NOS1: variants seen among roughly 807,000 people sequenced by gnomAD.
NOS1 encodes the protein nitric oxide synthase 1.
NOS1 carries 51 observed loss-of-function variants against 164.5 expected under a neutral mutation model. The observed-to-expected ratio is 0.31, with a 90% CI of 0.25 to 0.39. The LOEUF is 0.39. Among genes scored for constraint, NOS1 ranks in the 10% least tolerant of loss-of-function variants. NOS1 has a pLI of 1.00. For synonymous variants in NOS1, 719 were observed against 745.8 expected, an observed-to-expected ratio of 0.96 and a Z score of 0.59; for missense variants, 1,362 against 1,885.6, an observed-to-expected ratio of 0.72 and a Z score of 5.14.
At chr12:117,284,610 C>T (rs1873953864) in intron 7 of NOS1, among the ~76,000 whole-genome samples, 1 of 151,982 alleles carries the variant, frequency 6.6e-6, no homozygotes, top group Non-Finnish European at 1.5e-5. Flanking sequence ...TTTTCTGATT[C>T]CTGGGAATCT....
intron 1 of NOS1, among the ~76,000 whole-genome samples, chr12:117,353,217 CT>C (rs1436000392): frequency 2.6e-5 from 4 of 152,088 alleles, no homozygotes; most frequent in African/African-American, 9.7e-5. Context: ...TGTTATCTAT[CT>C]ATTCATCTAT....
intron 1 of NOS1, among the ~76,000 whole-genome samples, chr12:117,355,202 T>C (rs962195257): frequency 1.3e-5 from 2 of 152,090 alleles, no homozygotes; most frequent in African/African-American, 4.8e-5. Flanking sequence ...TCCCAGGAAA[T>C]CCCAGTCTTA....
intron 3 of NOS1, among the ~76,000 whole-genome samples, chr12:117,305,930 T>C (rs1252128491): frequency 6.6e-6 from 1 of 151,302 alleles, no homozygotes; most frequent in East Asian, 1.9e-4. Flanking sequence ...TAGCTAGGAG[T>C]ACAGGTGTGT....
At chr12:117,239,990 G>A (rs940655595) in intron 20 of NOS1, among the ~76,000 whole-genome samples, 1 of 152,050 alleles carries the variant, frequency 6.6e-6, no homozygotes, top group Non-Finnish European at 1.5e-5. Context: ...CTGATTTTGG[G>A]ACTTTTGGTT....
chr12:117,273,584 C>CA (rs1448065329), intron 9 of NOS1, among the ~76,000 whole-genome samples: 1 of 152,024 alleles, frequency 6.6e-6, no homozygotes, highest in Admixed American at 6.6e-5. Flanking sequence ...AAAGTAATGG[C>CA]AAAAACCACA....
chr12:117,302,142 G>A, intron 3 of NOS1: 1 of 456,480 alleles, frequency 2.2e-6, no homozygotes, highest in Non-Finnish European at 4.4e-6. Context: ...TGGACTTAAA[G>A]TGCTTAGCAC....
rs543977540 is a variant in NOS1, at chr12:117,240,555, C to T, written c.3041+2072G>A. Reference sequence around the variant, plus strand: ...TGACTTTGGCGTCAGATAACCGGGTCGGTGTGACCTTGAGAAAGTCACTTG... The same window carrying T: ...TGACTTTGGCGTCAGATAACCGGGTTGGTGTGACCTTGAGAAAGTCACTTG... On this transcript the variant is annotated intron_variant, in intron 20 of 28. Coordinates refer to ENST00000317775, the MANE Select transcript of NOS1 (RefSeq NM_000620.5). Among the ~76,000 whole-genome samples the T allele has an allele frequency of 1.5e-4, 23 of 152,302 alleles. No individual in the cohort carries two copies. In the South Asian group the frequency reaches 3.1e-3, roughly 21 times the overall value.
chr12:117,331,089 G>GTCC lies in NOS1; in HGVS notation c.-23_-21dup. 2 of 1,594,164 alleles carry GTCC rather than the reference G, an allele frequency of 1.3e-6. No individual in the cohort carries two copies. Among genetic ancestry groups the GTCC allele is most frequent in the Middle Eastern group, 1.7e-4 (1 of 5,954 alleles). ...CTCCATGGTAACTAGCTTCCGAGGG[G>GTCC]TCCTGTCTGAAGACCTCACAATGCT... On this transcript the variant is annotated 5_prime_UTR_variant, in exon 2 of 29. Transcript: ENST00000317775.
intron 20 of NOS1, among the ~76,000 whole-genome samples, chr12:117,240,428 G>T (rs1305646734): frequency 6.6e-6 from 1 of 152,264 alleles, no homozygotes; most frequent in African/African-American, 2.4e-5. Flanking sequence ...TAAGGAATAC[G>T]GATGGGACTC....
chr12:117,352,683 C>G (rs906809976), intron 1 of NOS1, among the ~76,000 whole-genome samples: 3 of 152,130 alleles, frequency 2.0e-5, no homozygotes, highest in Non-Finnish European at 2.9e-5. Flanking sequence ...TTCTGCTAAA[C>G]TGCAGGATTA....
At chr12:117,221,130 T>TTTTATTTATTTA (rs200373619) in intron 26 of NOS1, among the ~76,000 whole-genome samples, 3,373 of 146,098 alleles carry the variant, frequency 0.023, 78 homozygotes, top group African/African-American at 0.061. Context: ...TTAAATTTAT[T>TTTTATTTATTTA]TTTATTTATT....
intron 16 of NOS1, among the ~76,000 whole-genome samples, chr12:117,256,240 C>T (rs58807700): frequency 0.019 from 2,863 of 149,458 alleles, 99 homozygotes; most frequent in African/African-American, 0.059. Context: ...TATGTGAATA[C>T]GGCAGCATGT....
rs774872144 is a variant in NOS1 at position 117,265,336 on chromosome 12, T to C, written c.2116A>G (p.Thr706Ala). 1 of 1,545,906 alleles carries C rather than the reference T, an allele frequency of 6.5e-7. No individual in the cohort carries two copies. The highest frequency in any genetic ancestry group is 8.8e-7 in the Non-Finnish European group (1 of 1,139,322). Reference protein sequence around the residue: ...FHQEMLNYRLTPSFEYQPDPW... With the variant: ...FHQEMLNYRLAPSFEYQPDPW... ...AGGACCTGGTATTCGAAGGAGGGGG[T>C]GAGCCGGTAGTTGAGCATCTCCTGG... Residue 706 changes from threonine to alanine, a missense_variant, in exon 12 of 29, where the codon ACC (threonine) becomes GCC (alanine). By Grantham distance (58) the Thr-to-Ala change is moderately conservative (BLOSUM62 0). Coordinates refer to ENST00000317775, the MANE Select transcript of NOS1 (RefSeq NM_000620.5).
intron 12 of NOS1, 138 bp from the exon 13 acceptor site, chr12:117,264,112 A>C: frequency 5.7e-6 from 1 of 176,606 alleles, no homozygotes; most frequent in Non-Finnish European, 1.1e-5. Flanking sequence ...CCCAGTGGTG[A>C]CCACCATGGG....
intron 2 of NOS1, among the ~76,000 whole-genome samples, chr12:117,320,759 T>C (rs1258265395): frequency 6.6e-6 from 1 of 152,204 alleles, no homozygotes; most frequent in East Asian, 1.9e-4. Context: ...TCGAGCTTTC[T>C]GTCCTTTGCA....
intron 1 of NOS1, among the ~76,000 whole-genome samples, chr12:117,332,734 G>C (rs1262982579): frequency 6.6e-6 from 1 of 152,012 alleles, no homozygotes; most frequent in African/African-American, 2.4e-5. Flanking sequence ...GTGTGGTGGC[G>C]GGTGCCTGTA....
intron 2 of NOS1, among the ~76,000 whole-genome samples, chr12:117,324,185 G>A (rs372597428): frequency 2.6e-5 from 4 of 152,050 alleles, no homozygotes; most frequent in East Asian, 1.9e-4. Flanking sequence ...TCTGAGCCTC[G>A]CCCTCATCTA....
chr12:117,264,050 C>A, intron 12 of NOS1, 76 bp from the exon 13 acceptor site: 3 of 1,201,476 alleles, frequency 2.5e-6, no homozygotes, highest in Non-Finnish European at 3.7e-6. Flanking sequence ...TGCTCAGGAC[C>A]ACCTGGGACT....
At chr12:117,254,743 C>T (rs986840045) in intron 16 of NOS1, among the ~76,000 whole-genome samples, 3 of 152,210 alleles carry the variant, frequency 2.0e-5, no homozygotes, top group African/African-American at 4.8e-5. Context: ...GCACCAGCCA[C>T]ATTTCAGGGG....
Sources: allele counts gnomAD v4.1 joint callset (sites outside exome capture counted in the v4.1 genomes callset), GRCh38; gene constraint gnomAD v4.1.1; transcripts MANE v1.5; gene names NCBI Gene and HGNC (gene_info 2026-07-23, HGNC 2026-07-21).